MAP3K4: variants seen among roughly 807,000 people sequenced by gnomAD.
MAP3K4 encodes MAP three kinase 1.
In MAP3K4, 67 loss-of-function variants were observed where a neutral mutation model predicts 185.6. That is an observed-to-expected ratio of 0.36 (90% CI 0.30 to 0.44). The LOEUF (loss-of-function observed/expected upper bound fraction) is 0.44, where lower values mean the gene tolerates loss of function less well. MAP3K4 is among the 20% of genes least tolerant of loss of function. MAP3K4 has a pLI of 1.00. For missense variants in MAP3K4, 1,551 were observed against 1,995.1 expected, an observed-to-expected ratio of 0.78 and a Z score of 4.24; for synonymous variants, 702 against 710.4, an observed-to-expected ratio of 0.99 and a Z score of 0.19.
chr6:161,001,213 AC>A (rs1781308090), intron 1 of MAP3K4, among the ~76,000 whole-genome samples: 1 of 150,582 alleles, frequency 6.6e-6, no homozygotes, highest in Admixed American at 6.6e-5. Context: ...TGAAAAATTT[AC>A]AAAAAATATT....
intron 17 of MAP3K4, among the ~76,000 whole-genome samples, chr6:161,099,287 A>G (rs1252730050): frequency 6.6e-6 from 1 of 152,232 alleles, no homozygotes; most frequent in Non-Finnish European, 1.5e-5. Flanking sequence ...TAACAGGAAG[A>G]TGATGCCTGG....
intron 11 of MAP3K4, among the ~76,000 whole-genome samples, chr6:161,090,826 G>A (rs1777265762): frequency 6.6e-6 from 1 of 152,122 alleles, no homozygotes; most frequent in African/African-American, 2.4e-5. Flanking sequence ...ATTGTAGGAT[G>A]TTTAGCAGCA....
intron 3 of MAP3K4, among the ~76,000 whole-genome samples, chr6:161,055,916 T>C (rs1405198547): frequency 1.3e-5 from 2 of 152,200 alleles, no homozygotes; most frequent in East Asian, 3.8e-4. Flanking sequence ...CTCTACCTCC[T>C]GGAAGGGGGA....
chr6:161,046,787 A>G (rs538109756), intron 2 of MAP3K4, among the ~76,000 whole-genome samples: 1 of 151,076 alleles, frequency 6.6e-6, no homozygotes, highest in Non-Finnish European at 1.5e-5. Flanking sequence ...TAACCCATGT[A>G]AATATACCCT....
Position 160,991,810 on chromosome 6 carries a change from G to T in MAP3K4, c.-122G>T. 8.9e-7 allele frequency: 1 copy of T among 1,126,126 alleles called. No homozygotes were observed. The highest frequency in any genetic ancestry group is 2.1e-5 in the South Asian group (1 of 46,524). The allele number at this position is 1,126,126 out of a possible 1,614,324, so 69.8% of individuals were successfully genotyped here. ...TTTCCAAGATGGCCGCGGCGCGCAC[G>T]GCTCCTGCGGCGGGGTAGAGGCGGA... On this transcript the variant is annotated 5_prime_UTR_variant, in exon 1 of 27. Coordinates refer to ENST00000392142, the MANE Select transcript of MAP3K4 (RefSeq NM_005922.4). This position sits in a 1 kb window ranked among gnomAD's most constrained non-coding sequence, Gnocchi z 5.7.
intron 3 of MAP3K4, among the ~76,000 whole-genome samples, chr6:161,060,527 G>T (rs937058615): frequency 6.6e-6 from 1 of 151,734 alleles, no homozygotes; most frequent in African/African-American, 2.4e-5. Flanking sequence ...TCCTTTGATA[G>T]CTTCCATGTT....
chr6:161,039,719 T>C (rs917458397), intron 2 of MAP3K4, among the ~76,000 whole-genome samples: 7 of 152,200 alleles, frequency 4.6e-5, no homozygotes, highest in Admixed American at 3.9e-4. Flanking sequence ...AAGCTCTTAG[T>C]TTTGTAAAGA....
intron 3 of MAP3K4, among the ~76,000 whole-genome samples, chr6:161,068,456 G>A (rs4709489): frequency 0.91 from 138,248 of 152,256 alleles, 62,935 homozygotes; most frequent in East Asian, 0.99. Flanking sequence ...TAAAGGAGAA[G>A]AAGGTGGTGG....
intron 6 of MAP3K4, among the ~76,000 whole-genome samples, chr6:161,083,310 T>G (rs946179686): frequency 1.3e-5 from 2 of 152,250 alleles, no homozygotes; most frequent in African/African-American, 4.8e-5. Context: ...CATTTTTGTT[T>G]TATTTATTGT....
At position 161,112,775 on chromosome 6, in the gene MAP3K4, G is replaced by A. The variant is rs1174439990; in HGVS notation, c.4626+1G>A. On this transcript the variant is annotated splice_donor_variant, in intron 25 of 26. Coordinates refer to ENST00000392142, the MANE Select transcript of MAP3K4 (RefSeq NM_005922.4). LOFTEE classifies it high-confidence loss of function. The surrounding 1 kb of genome is among the most constrained non-coding windows in gnomAD (Gnocchi z 5.1). ...TGTCATAGAGATGGTGACTGGCAAG[G>A]TAAGCGGAGCCCCCACACCTGGCGG... The A allele has an allele frequency of 1.3e-6, 2 of 1,586,062 alleles. No individual in the cohort carries two copies. The highest frequency in any genetic ancestry group is 1.7e-6 in the Non-Finnish European group (2 of 1,167,840).
chr6:161,011,239 A>T (rs759949014), intron 1 of MAP3K4, among the ~76,000 whole-genome samples: 5 of 152,236 alleles, frequency 3.3e-5, no homozygotes, highest in Non-Finnish European at 7.3e-5. Context: ...AGTAAACCCA[A>T]ATAACTCCTT....
In MAP3K4 at chr6:161,091,675, C is replaced by G. The variant is rs1389125796; in HGVS notation, c.3135+135C>G. On this transcript the variant is annotated intron_variant, in intron 12 of 26. Coordinates refer to ENST00000392142, the MANE Select transcript of MAP3K4 (RefSeq NM_005922.4). This position sits in a 1 kb window ranked among gnomAD's most constrained non-coding sequence, Gnocchi z 5.5. ...TCAAGAATATCATCTTATATCACTG[C>G]TGTATATCAGAGATGTTAGTTTACT... 19 of 769,400 alleles carry G rather than the reference C, an allele frequency of 2.5e-5. No homozygotes were observed. Among genetic ancestry groups the G allele is most frequent in the Non-Finnish European group, 4.0e-5 (19 of 478,736 alleles). The allele number at this position is 769,400 out of a possible 1,614,324, so 47.7% of individuals were successfully genotyped here. A position where few individuals can be genotyped will look rare whatever the true frequency, so the allele number is the denominator to read the frequency against.
At position 161,115,290 on chromosome 6, in the gene MAP3K4, T is replaced by C; in HGVS notation, c.4794T>C (p.His1598=). Residue 1598 remains histidine, a synonymous_variant, in exon 26 of 27, where the codon CAT becomes CAC. Coordinates refer to ENST00000392142, the MANE Select transcript of MAP3K4 (RefSeq NM_005922.4). This position sits in a 1 kb window ranked among gnomAD's most constrained non-coding sequence, Gnocchi z 6.0. ...GGACCGCCAGCCAGCTCCTCGACCA[T>C]TCGTTTGTCAAGGTTTGGCAGATTA... is the stretch of plus-strand genomic sequence containing the variant. ...MRWTASQLLD[H]SFVKVCTDEE 6.2e-7 allele frequency: 1 copy of C among 1,612,572 alleles called. No individual in the cohort carries two copies. The highest frequency in any genetic ancestry group is 8.5e-7 in the Non-Finnish European group (1 of 1,179,016).
chr6:161,112,553 C>A lies in MAP3K4; in HGVS notation c.4520-115C>A. 1 of 645,764 alleles carries A rather than the reference C, an allele frequency of 1.5e-6. No homozygotes were observed. The highest frequency in any genetic ancestry group is 2.4e-6 in the Non-Finnish European group (1 of 422,080). 40.0% of individuals were successfully genotyped at this position (645,764 alleles called of 1,614,324 possible). Reference sequence around the variant, plus strand: ...CTGTCTGTAAATTTTTGATATTTCCCATTACCTAATGCAGGAAGATAATAT... The same window carrying A: ...CTGTCTGTAAATTTTTGATATTTCCAATTACCTAATGCAGGAAGATAATAT... On this transcript the variant is annotated intron_variant, in intron 24 of 26. Coordinates refer to ENST00000392142, the MANE Select transcript of MAP3K4 (RefSeq NM_005922.4). The surrounding 1 kb of genome is among the most constrained non-coding windows in gnomAD (Gnocchi z 5.1).
chr6:161,068,149 A>G (rs752800170), intron 3 of MAP3K4, among the ~76,000 whole-genome samples: 9 of 152,250 alleles, frequency 5.9e-5, no homozygotes, highest in African/African-American at 1.4e-4. Context: ...GAGATAAACA[A>G]TCTTTTTCAT....
In MAP3K4 at chr6:161,116,098, G is replaced by A. The variant is rs1778582644; in HGVS notation, c.4807-752G>A. Among the ~76,000 whole-genome samples the A allele has an allele frequency of 1.3e-5, 2 of 152,130 alleles. No homozygotes were observed. Among genetic ancestry groups the A allele is most frequent in the South Asian group, 4.1e-4 (2 of 4,822 alleles). On this transcript the variant is annotated intron_variant, in intron 26 of 26. Transcript: ENST00000392142. The surrounding 1 kb of genome is among the most constrained non-coding windows in gnomAD (Gnocchi z 6.2). ...TGCCGTGGCTGACCCCTGATTGGAT[G>A]TGAAAGGTGAGTGAGGGGAGGAGTC...
At chr6:161,099,980 G>T (rs1777762640) in intron 17 of MAP3K4, among the ~76,000 whole-genome samples, 1 of 152,158 alleles carries the variant, frequency 6.6e-6, no homozygotes, top group Non-Finnish European at 1.5e-5. Flanking sequence ...TTGATGTTTA[G>T]AAATTTTAAT....
rs984998715 is a variant in MAP3K4, at chr6:161,086,927, A to G, written c.2556+260A>G. ...ATGCTGTTTATTAATTTAGTTACAC[A>G]TATTTAAAATAATGTGTATAAGGAG... On this transcript the variant is annotated intron_variant, in intron 9 of 26. Coordinates refer to ENST00000392142, the MANE Select transcript of MAP3K4 (RefSeq NM_005922.4). This position sits in a 1 kb window ranked among gnomAD's most constrained non-coding sequence, Gnocchi z 4.8. 3.9e-5 allele frequency among the ~76,000 whole-genome samples: 6 copies of G among 152,246 alleles called. No individual in the cohort carries two copies. Among genetic ancestry groups the G allele is most frequent in the Admixed American group, 1.3e-4 (2 of 15,292 alleles).
chr6:161,020,656 T>TA (rs775816898), intron 1 of MAP3K4, among the ~76,000 whole-genome samples: 1,355 of 96,380 alleles, frequency 0.014, 24 homozygotes, highest in African/African-American at 0.042. Context: ...AGACTCTGTC[T>TA]AAAAAAAAAA....
Sources: gnomAD v4.1 joint callset for allele counts (sites outside exome capture counted in the v4.1 genomes callset) on GRCh38, gnomAD v4.1.1 for gene constraint, Gnocchi (gnomAD v3.1) non-coding constraint, MANE v1.5 for transcripts, NCBI Gene and HGNC (gene_info 2026-07-23, HGNC 2026-07-21) for gene names.